The following ATP9B variants were observed in gnomAD, a reference collection of about 807,000 sequenced individuals.
The protein encoded by ATP9B is probable phospholipid-transporting ATPase IIB.
A neutral mutation model predicts 146.1 loss-of-function variants in ATP9B; 110 were observed. The observed-to-expected ratio is 0.75, with a 90% CI of 0.65 to 0.88. ATP9B has a LOEUF of 0.88. Among genes scored for constraint, ATP9B ranks in the 40% least tolerant of loss-of-function variants. The pLI is 0.00. For missense variants in ATP9B, 1,499 were observed against 1,496.4 expected (o/e 1.00, Z -0.03); for synonymous variants, 604 against 569.7 (o/e 1.06, Z -0.86).
At position 79,157,580 on chromosome 18, in the gene ATP9B, C is replaced by T. The variant is rs183158235; in HGVS notation, c.778+3025C>T. 3.9e-3 allele frequency among the ~76,000 whole-genome samples: 599 copies of T among 152,068 alleles called. 3 individuals are homozygous for T. Among genetic ancestry groups the T allele is most frequent in the African/African-American group, 0.014 (568 of 41,456 alleles). On this transcript the variant is annotated intron_variant, in intron 7 of 29. Coordinates refer to ENST00000426216, the MANE Select transcript of ATP9B (RefSeq NM_198531.5). Reference sequence around the variant, plus strand: ...GAATTATTATTAATTCTTTGTTAAGCGTTTGATAGAATTCGCCCATGAAAC... The same window carrying T: ...GAATTATTATTAATTCTTTGTTAAGTGTTTGATAGAATTCGCCCATGAAAC...
At chr18:79,101,103 AGT>A in intron 2 of ATP9B, among the ~76,000 whole-genome samples, 1 of 150,860 alleles carries the variant, frequency 6.6e-6, no homozygotes, top group East Asian at 2.0e-4. Flanking sequence ...ACCTTGGCAC[AGT>A]GTGTGTGTGC....
chr18:79,072,611 C>T (rs1047422971), intron 1 of ATP9B, among the ~76,000 whole-genome samples: 1 of 152,226 alleles, frequency 6.6e-6, no homozygotes, highest in African/African-American at 2.4e-5. Flanking sequence ...TCCCCCTTTT[C>T]TGTTCGACAA....
chr18:79,113,397 T>G, intron 4 of ATP9B, 43 bp downstream of exon 4: 1 of 1,204,090 alleles, frequency 8.3e-7, no homozygotes, highest in Non-Finnish European at 1.2e-6. Flanking sequence ...ATGAAATATT[T>G]AGAATATAGT....
At chr18:79,271,607 A>G (rs1859259506) in intron 12 of ATP9B, among the ~76,000 whole-genome samples, 1 of 152,162 alleles carries the variant, frequency 6.6e-6, no homozygotes, top group South Asian at 2.1e-4. Flanking sequence ...CATGGTGTAT[A>G]TGTGCCACAT....
chr18:79,107,145 G>T (rs915853866), intron 2 of ATP9B, among the ~76,000 whole-genome samples: 19 of 152,202 alleles, frequency 1.2e-4, no homozygotes, highest in African/African-American at 4.6e-4. Context: ...ATGCTGAAGA[G>T]AAATGTGCTC....
chr18:79,157,509 G>C (rs984282443), intron 7 of ATP9B, among the ~76,000 whole-genome samples: 3 of 151,148 alleles, frequency 2.0e-5, no homozygotes, highest in Non-Finnish European at 4.4e-5. Context: ...TTAGTGGAAT[G>C]AGTTAAGAAG....
At chr18:79,332,078 C>T (rs761929915) in intron 17 of ATP9B, among the ~76,000 whole-genome samples, 1 of 152,196 alleles carries the variant, frequency 6.6e-6, no homozygotes, top group Non-Finnish European at 1.5e-5. Flanking sequence ...GTGTATGTTA[C>T]ATGAATTATA....
chr18:79,327,521 G>A (rs73973074), intron 15 of ATP9B, among the ~76,000 whole-genome samples: 32 of 137,350 alleles, frequency 2.3e-4, no homozygotes, highest in Middle Eastern at 4.2e-3. Context: ...CATGGTTAGC[G>A]TGCTCTCCGT....
chr18:79,284,935 A>G (rs1039777246), intron 13 of ATP9B, among the ~76,000 whole-genome samples: 17 of 152,068 alleles, frequency 1.1e-4, no homozygotes, highest in Non-Finnish European at 8.8e-5. Context: ...CCATGTCCCT[A>G]CAAAGGACAT....
In ATP9B at chr18:79,322,316, G is replaced by A. The variant is rs191262611; in HGVS notation, c.1774-6825G>A. Among the ~76,000 whole-genome samples the A allele has an allele frequency of 1.9e-3, 288 of 152,294 alleles. 1 individual carries two copies. The highest frequency in any genetic ancestry group is 3.1e-3 in the Non-Finnish European group (210 of 68,032). On this transcript the variant is annotated intron_variant, in intron 15 of 29. Transcript: ENST00000426216. ...GTAGCGTCCATAGAACGGCAGTGCC[G>A]TCCAACCTCTAACCCAACGTCAGAA...
chr18:79,089,676 A>C (rs897246365), intron 1 of ATP9B, among the ~76,000 whole-genome samples: 5 of 152,224 alleles, frequency 3.3e-5, no homozygotes, highest in Non-Finnish European at 7.3e-5. Context: ...TGCGATACAT[A>C]TGATGTTTTG....
intron 9 of ATP9B, among the ~76,000 whole-genome samples, chr18:79,200,715 G>A (rs1600404753): frequency 6.6e-6 from 1 of 152,310 alleles, no homozygotes; most frequent in Admixed American, 6.5e-5. Flanking sequence ...TCAGAGCAGA[G>A]GTGGAGGTGG....
chr18:79,153,114 C>A (rs2094717227), intron 6 of ATP9B, among the ~76,000 whole-genome samples: 1 of 152,130 alleles, frequency 6.6e-6, no homozygotes, highest in Admixed American at 6.5e-5. Flanking sequence ...TAGCTTTCTT[C>A]AGCTTTAACA....
intron 12 of ATP9B, among the ~76,000 whole-genome samples, chr18:79,266,981 A>C (rs1218585177): frequency 1.3e-5 from 2 of 150,710 alleles, no homozygotes; most frequent in East Asian, 3.9e-4. Flanking sequence ...TTTTTTTCTC[A>C]TTTTCTTTCT....
Position 79,126,375 on chromosome 18 carries a change from G to A in ATP9B, c.667G>A (p.Gly223Ser). The A allele has an allele frequency of 6.2e-7, 1 of 1,603,552 alleles. No homozygotes were observed. Among genetic ancestry groups the A allele is most frequent in the Non-Finnish European group, 8.5e-7 (1 of 1,172,402 alleles). Residue 223 changes from glycine (G) to serine (S), a missense_variant and splice_region_variant, in exon 5 of 30, where the codon GGT (glycine) becomes AGT (serine). By Grantham distance (56) the Gly-to-Ser change is moderately conservative (BLOSUM62 0). Transcript: ENST00000426216. ...ACTATATAGCAAGCTTACAGTAAGA[G>A]GTCAGCAAGATGCTTTAATCCTGCT... Reference protein sequence around the residue: ...SQLYSKLTVRGKVQVKSSDIQ... With the variant: ...SQLYSKLTVRSKVQVKSSDIQ...
chr18:79,159,646 C>T (rs374516029), intron 7 of ATP9B, among the ~76,000 whole-genome samples: 20 of 152,288 alleles, frequency 1.3e-4, no homozygotes, highest in African/African-American at 4.8e-4. Context: ...TTCCTATAGG[C>T]GTTGAAACGT....
At chr18:79,179,102 C>T (rs1444567682) in intron 8 of ATP9B, among the ~76,000 whole-genome samples, 1 of 152,148 alleles carries the variant, frequency 6.6e-6, no homozygotes, top group Non-Finnish European at 1.5e-5. Context: ...GTTCATTTCA[C>T]GTAAGTTGAC....
At chr18:79,268,351 A>G (rs1050898316) in intron 12 of ATP9B, among the ~76,000 whole-genome samples, 4 of 152,134 alleles carry the variant, frequency 2.6e-5, no homozygotes, top group Non-Finnish European at 5.9e-5. Context: ...AATTATTATA[A>G]TACTGTTTAT....
rs116030465 is a variant in ATP9B at position 79,250,144 on chromosome 18, A to G, written c.1108-3237A>G. Among the ~76,000 whole-genome samples, 679 of 152,344 alleles carry G rather than the reference A, an allele frequency of 4.5e-3. 5 individuals are homozygous for G. The highest frequency in any genetic ancestry group is 0.016 in the African/African-American group (653 of 41,582). On this transcript the variant is annotated intron_variant, in intron 11 of 29. Coordinates refer to ENST00000426216, the MANE Select transcript of ATP9B (RefSeq NM_198531.5). ...TTTGATGATCTGCATATCGGTGTGC[A>G]GTGGGCGGCTTTGAATGTTTCCATC...
Sources: gnomAD v4.1 joint callset for allele counts (sites outside exome capture counted in the v4.1 genomes callset) on GRCh38, gnomAD v4.1.1 for gene constraint, MANE v1.5 for transcripts, NCBI Gene and HGNC (gene_info 2026-07-23, HGNC 2026-07-21) for gene names.